Variants in SCFD2 observed in about 807,000 individuals in gnomAD.
The protein encoded by SCFD2 is sec1 family domain containing 2.
In SCFD2, 54 loss-of-function variants were observed where a neutral mutation model predicts 58.9. That is an observed-to-expected ratio of 0.92 (90% CI 0.74 to 1.15). The LOEUF is 1.15. SCFD2 is among the 50% of genes most tolerant of loss of function. The pLI is 0.00. For synonymous variants in SCFD2, 321 were observed against 335.9 expected (o/e 0.96, Z 0.49); for missense variants, 805 against 836.6 (o/e 0.96, Z 0.47).
At chr4:53,255,782 G>A (rs7680205) in intron 4 of SCFD2, among the ~76,000 whole-genome samples, 13,748 of 150,104 alleles carry the variant, frequency 0.092, 931 homozygotes, top group African/African-American at 0.18. Context: ...CTTCCCAGTA[G>A]GGGCGGCCGG....
intron 7 of SCFD2, among the ~76,000 whole-genome samples, chr4:52,886,096 C>T (rs1300876958): frequency 2.0e-5 from 3 of 152,202 alleles, no homozygotes; most frequent in Non-Finnish European, 4.4e-5. Context: ...GAGAACTTGT[C>T]TTCCCATTTG....
At chr4:53,046,104 A>G (rs965218681) in intron 5 of SCFD2, among the ~76,000 whole-genome samples, 8 of 152,156 alleles carry the variant, frequency 5.3e-5, no homozygotes, top group African/African-American at 1.9e-4. Flanking sequence ...CTTAGTTTTC[A>G]TTTCTCTTCT....
intron 4 of SCFD2, among the ~76,000 whole-genome samples, chr4:53,242,166 T>C (rs1181964358): frequency 6.6e-6 from 1 of 152,232 alleles, no homozygotes; most frequent in Non-Finnish European, 1.5e-5. Context: ...TGCTAGTATG[T>C]GCAAACAAAA....
At chr4:53,248,529 C>G (rs1730206727) in intron 4 of SCFD2, among the ~76,000 whole-genome samples, 1 of 152,198 alleles carries the variant, frequency 6.6e-6, no homozygotes, top group South Asian at 2.1e-4. Flanking sequence ...CCCTGTCTGA[C>G]AGCTTTGAAG....
chr4:52,952,016 C>T (rs529141448), intron 5 of SCFD2, among the ~76,000 whole-genome samples: 6 of 152,150 alleles, frequency 3.9e-5, no homozygotes, highest in South Asian at 2.1e-4. Flanking sequence ...ATCTTAAGAA[C>T]GAAGAGATGA....
At chr4:53,196,960 A>G (rs896555463) in intron 4 of SCFD2, among the ~76,000 whole-genome samples, 13 of 152,148 alleles carry the variant, frequency 8.5e-5, no homozygotes, top group African/African-American at 3.1e-4. Flanking sequence ...AAAATACCAA[A>G]GCCACACGGA....
intron 5 of SCFD2, among the ~76,000 whole-genome samples, chr4:53,133,910 G>A (rs772566159): frequency 3.8e-4 from 58 of 152,292 alleles, no homozygotes; most frequent in Middle Eastern, 3.4e-3. Context: ...TGAACATTTA[G>A]GTTGTTTCCA....
intron 4 of SCFD2, among the ~76,000 whole-genome samples, chr4:53,182,811 A>G (rs1036278397): frequency 5.9e-5 from 9 of 152,232 alleles, no homozygotes; most frequent in African/African-American, 2.2e-4. Flanking sequence ...TTACAAGAAA[A>G]AAAAAACAAC....
intron 5 of SCFD2, among the ~76,000 whole-genome samples, chr4:53,044,176 C>T (rs1722968465): frequency 6.6e-6 from 1 of 152,126 alleles, no homozygotes. Flanking sequence ...GAAGTCTTCT[C>T]TAATAGTCAA....
intron 2 of SCFD2, among the ~76,000 whole-genome samples, chr4:53,348,848 G>C (rs1734135594): frequency 6.6e-6 from 1 of 151,672 alleles, no homozygotes; most frequent in Non-Finnish European, 1.5e-5. Context: ...CCGAGTAGCT[G>C]GGATTACAGG....
At chr4:53,306,794 G>T (rs1013040031) in intron 3 of SCFD2, among the ~76,000 whole-genome samples, 3 of 152,232 alleles carry the variant, frequency 2.0e-5, no homozygotes, top group Non-Finnish European at 2.9e-5. Context: ...CCTGTTGAGG[G>T]AGTGAAAAGC....
chr4:52,936,640 G>A (rs993884242), intron 5 of SCFD2, among the ~76,000 whole-genome samples: 1 of 152,018 alleles, frequency 6.6e-6, no homozygotes, highest in Non-Finnish European at 1.5e-5. Flanking sequence ...GACTTCCAAC[G>A]TCAGGCTGGC....
chr4:53,030,156 G>A (rs1722579603), intron 5 of SCFD2, among the ~76,000 whole-genome samples: 1 of 151,920 alleles, frequency 6.6e-6, no homozygotes, highest in Admixed American at 6.5e-5. Flanking sequence ...TGAAAAAATG[G>A]GAAAATATTT....
At chr4:53,237,891 T>C (rs1453790285) in intron 4 of SCFD2, among the ~76,000 whole-genome samples, 1 of 56,212 alleles carries the variant, frequency 1.8e-5, no homozygotes, top group Non-Finnish European at 3.4e-5. Context: ...ACGGGGCGGC[T>C]GGCCTGGCGG....
At chr4:53,057,076 T>C (rs1223168217) in intron 5 of SCFD2, among the ~76,000 whole-genome samples, 1 of 152,102 alleles carries the variant, frequency 6.6e-6, no homozygotes, top group Non-Finnish European at 1.5e-5. Flanking sequence ...TCCCAGCTAC[T>C]CTGGAGGCTG....
intron 8 of SCFD2, among the ~76,000 whole-genome samples, chr4:52,877,192 G>A (rs1247902040): frequency 2.6e-5 from 4 of 152,242 alleles, no homozygotes; most frequent in African/African-American, 7.2e-5. Context: ...TTTGGCTACC[G>A]CCACTGAGCT....
At chr4:53,041,898 T>C (rs1038842999) in intron 5 of SCFD2, among the ~76,000 whole-genome samples, 7 of 152,170 alleles carry the variant, frequency 4.6e-5, no homozygotes, top group African/African-American at 1.4e-4. Flanking sequence ...AGTTTCCTTA[T>C]TTTTATATTC....
intron 2 of SCFD2, among the ~76,000 whole-genome samples, chr4:53,346,781 G>A (rs758227200): frequency 1.8e-4 from 27 of 152,296 alleles, no homozygotes; most frequent in South Asian, 1.0e-3. Context: ...CAGTGAGGAT[G>A]GAGGACAATA....
At chr4:53,194,086 A>G (rs1727989821) in intron 4 of SCFD2, among the ~76,000 whole-genome samples, 1 of 152,080 alleles carries the variant, frequency 6.6e-6, no homozygotes, top group African/African-American at 2.4e-5. Context: ...TTGCATCCCC[A>G]CCCTACACAT....
Sources: gnomAD v4.1 joint callset for allele counts (sites outside exome capture counted in the v4.1 genomes callset) on GRCh38, gnomAD v4.1.1 for gene constraint, MANE v1.5 for transcripts, NCBI Gene and HGNC (gene_info 2026-07-23, HGNC 2026-07-21) for gene names.